The following OPRD1 variants were observed in gnomAD, a reference collection of about 807,000 sequenced individuals.
OPRD1 encodes the protein delta-type opioid receptor.
OPRD1 carries 19 observed loss-of-function variants against 17.5 expected under a neutral mutation model. That is an observed-to-expected ratio of 1.09 (90% CI 0.76 to 1.60). OPRD1 has a LOEUF of 1.60. Ranked by LOEUF, OPRD1 falls within the 40% of genes most tolerant of loss-of-function variation. The probability of loss-of-function intolerance (pLI) is 0.00; values close to 1 mark genes in which losing one functional copy is unlikely to be tolerated. For missense variants in OPRD1, 483 were observed against 547.2 expected (o/e 0.88, Z 1.17); for synonymous variants, 256 against 240.9 (o/e 1.06, Z -0.58).
At chr1:28,849,875 CTTTTTTTTT>C (rs34907861) in intron 1 of OPRD1, among the ~76,000 whole-genome samples, 9 of 118,116 alleles carry the variant, frequency 7.6e-5, no homozygotes, top group African/African-American at 2.9e-4. Flanking sequence ...GAGAGTCAAA[CTTTTTTTTT>C]TTTTTTTTTT....
chr1:28,859,412 G>A (rs1365496397), intron 2 of OPRD1, 109 bp downstream of exon 2: 1 of 891,114 alleles, frequency 1.1e-6, no homozygotes, highest in East Asian at 2.7e-5. Flanking sequence ...TGGCTCATCA[G>A]CAGAGGTTGG....
intron 1 of OPRD1, among the ~76,000 whole-genome samples, chr1:28,812,818 G>T (rs1436079809): frequency 1.3e-5 from 2 of 151,838 alleles, no homozygotes; most frequent in Non-Finnish European, 2.9e-5. Flanking sequence ...GTGTGGTGCG[G>T]GGGGGGGAGT....
At position 28,812,372 on chromosome 1, in the gene OPRD1, C is replaced by T; in HGVS notation, c.-12C>T. On this transcript the variant is annotated 5_prime_UTR_variant, in exon 1 of 3. Transcript: ENST00000234961. ...ACGGTGGAGAGGGACGCGGCGGAGC[C>T]GGCCGGCAGCCATGGAACCGGCCCC... 7.3e-7 allele frequency: 1 copy of T among 1,371,874 alleles called. No individual in the cohort carries two copies. The allele number at this position is 1,371,874 out of a possible 1,614,324, so 85.0% of individuals were successfully genotyped here. A position where few individuals can be genotyped will look rare whatever the true frequency, so the allele number is the denominator to read the frequency against.
At chr1:28,812,881 C>T (rs1404896772) in intron 1 of OPRD1, among the ~76,000 whole-genome samples, 1 of 152,138 alleles carries the variant, frequency 6.6e-6, no homozygotes, top group Non-Finnish European at 1.5e-5. Context: ...CCCCTTGCTT[C>T]TTTGTGGGAC....
In OPRD1 at chr1:28,870,457, GGT is replaced by G. The variant is rs1402414171; in HGVS notation, c.*7175_*7176del. 5.3e-5 allele frequency: 8 copies of G among 152,074 alleles called. No homozygotes were observed. Among genetic ancestry groups the G allele is most frequent in the Non-Finnish European group, 8.8e-5 (6 of 68,058 alleles). 9.4% of individuals were successfully genotyped at this position (152,074 alleles called of 1,614,324 possible). On this transcript the variant is annotated 3_prime_UTR_variant, in exon 3 of 3. Coordinates refer to ENST00000234961, the MANE Select transcript of OPRD1 (RefSeq NM_000911.4). ...GGGGTTTCGCCGTGTTGGCCAGGCTGGTCTCGAACTCCTGACCTCAACTGATC... is the reference window on the plus strand; with the variant it reads ...GGGGTTTCGCCGTGTTGGCCAGGCTGCTCGAACTCCTGACCTCAACTGATC...
At chr1:28,844,259 C>G (rs1365160909) in intron 1 of OPRD1, among the ~76,000 whole-genome samples, 2 of 149,184 alleles carry the variant, frequency 1.3e-5, no homozygotes, top group Admixed American at 6.8e-5. Flanking sequence ...TGTTGAGCAT[C>G]TTTTCATGGG....
In OPRD1 at chr1:28,870,675, C is replaced by T. The variant is rs1368295458; in HGVS notation, c.*7392C>T. 6.6e-6 allele frequency: 1 copy of T among 152,210 alleles called. No individual in the cohort carries two copies. Among genetic ancestry groups the T allele is most frequent in the African/African-American group, 2.4e-5 (1 of 41,436 alleles). The allele number at this position is 152,210 out of a possible 1,614,324, so 9.4% of individuals were successfully genotyped here. On this transcript the variant is annotated 3_prime_UTR_variant, in exon 3 of 3. Coordinates refer to ENST00000234961, the MANE Select transcript of OPRD1 (RefSeq NM_000911.4). ...TTAAGAGGACATCTTTTCCCAAGCTCCTTAGCCTTAGCTGTCCTCTCCTGC... is the reference window on the plus strand; with the variant it reads ...TTAAGAGGACATCTTTTCCCAAGCTTCTTAGCCTTAGCTGTCCTCTCCTGC...
intron 1 of OPRD1, among the ~76,000 whole-genome samples, chr1:28,814,471 C>T (rs2088657152): frequency 6.6e-6 from 1 of 152,164 alleles, no homozygotes; most frequent in African/African-American, 2.4e-5. Context: ...AGGTGCTTGT[C>T]CTAAGGTGGG....
intron 1 of OPRD1, among the ~76,000 whole-genome samples, chr1:28,842,899 C>T (rs2088906347): frequency 6.6e-6 from 1 of 151,266 alleles, no homozygotes. Context: ...GATCCCATCT[C>T]TAAAAAAATA....
chr1:28,850,783 AAATAATAATAATAAT>A (rs144560328), intron 1 of OPRD1, among the ~76,000 whole-genome samples: 3,873 of 135,880 alleles, frequency 0.029, 103 homozygotes, highest in African/African-American at 0.066. Context: ...ATCTGTCTCA[AAATAATAATAATAAT>A]AATAATAATA....
chr1:28,858,149 T>C (rs1405426268), intron 1 of OPRD1, among the ~76,000 whole-genome samples: 1 of 147,584 alleles, frequency 6.8e-6, no homozygotes, highest in Non-Finnish European at 1.5e-5. Flanking sequence ...GTCTCGCTTC[T>C]GTGGCCCAGG....
chr1:28,839,917 G>A (rs1235567195), intron 1 of OPRD1, among the ~76,000 whole-genome samples: 6 of 152,166 alleles, frequency 3.9e-5, no homozygotes, highest in African/African-American at 1.2e-4. Context: ...ACAGTGCAAG[G>A]GGAAGGGAGG....
intron 2 of OPRD1, among the ~76,000 whole-genome samples, chr1:28,861,678 C>T (rs1335805078): frequency 1.3e-5 from 2 of 151,970 alleles, no homozygotes; most frequent in Admixed American, 1.3e-4. Context: ...CTCCTGGACT[C>T]AAGCAGTCCA....
intron 1 of OPRD1, among the ~76,000 whole-genome samples, chr1:28,832,439 G>A (rs977204681): frequency 6.6e-5 from 10 of 151,954 alleles, no homozygotes; most frequent in African/African-American, 1.9e-4. Context: ...GCAGCACAGG[G>A]AGACCCCATT....
At chr1:28,827,288 C>G (rs2088775601) in intron 1 of OPRD1, among the ~76,000 whole-genome samples, 2 of 151,962 alleles carry the variant, frequency 1.3e-5, no homozygotes, top group South Asian at 4.2e-4. Flanking sequence ...AGAGCAAGAC[C>G]CTGTCTCAAA....
intron 1 of OPRD1, among the ~76,000 whole-genome samples, chr1:28,828,707 A>C (rs1473800982): frequency 8.0e-5 from 12 of 150,870 alleles, no homozygotes; most frequent in African/African-American, 2.9e-4. Flanking sequence ...AAAAAAAAAA[A>C]AGCCAGGCGC....
At chr1:28,857,812 A>G (rs2089070786) in intron 1 of OPRD1, among the ~76,000 whole-genome samples, 1 of 150,726 alleles carries the variant, frequency 6.6e-6, no homozygotes, top group Non-Finnish European at 1.5e-5. Context: ...TTTGTTTTTG[A>G]GACGGAGTCT....
chr1:28,834,401 G>C (rs1032118947), intron 1 of OPRD1, among the ~76,000 whole-genome samples: 1 of 124,076 alleles, frequency 8.1e-6, no homozygotes, highest in African/African-American at 3.1e-5. Flanking sequence ...TTTTTTTTGA[G>C]ATAGAGTCTT....
At position 28,869,892 on chromosome 1, in the gene OPRD1, C is replaced by T. The variant is rs892349830; in HGVS notation, c.*6609C>T. On this transcript the variant is annotated 3_prime_UTR_variant, in exon 3 of 3. Transcript: ENST00000234961. ...GGTAGATCCCTCTCCCCATCCATTT[C>T]TTCCTTGCCTTGGAAGTCCTGCTTG... The T allele has an allele frequency of 1.3e-5, 2 of 152,326 alleles. No individual in the cohort carries two copies. Among genetic ancestry groups the T allele is most frequent in the African/African-American group, 4.8e-5 (2 of 41,568 alleles). The allele number at this position is 152,326 out of a possible 1,614,324, so 9.4% of individuals were successfully genotyped here.
Sources: allele counts gnomAD v4.1 joint callset (sites outside exome capture counted in the v4.1 genomes callset), GRCh38; gene constraint gnomAD v4.1.1; transcripts MANE v1.5; gene names NCBI Gene and HGNC (gene_info 2026-07-23, HGNC 2026-07-21).